Variants in NCKAP1 observed in about 807,000 individuals in gnomAD.
NCKAP1 encodes nck-associated protein 1.
In NCKAP1, 21 loss-of-function variants were observed where a neutral mutation model predicts 151.2. The observed-to-expected ratio is 0.14, with a 90% CI of 0.10 to 0.20. The LOEUF is 0.20. Ranked by LOEUF, NCKAP1 falls within the 10% of genes least tolerant of loss-of-function variation. NCKAP1 has a pLI of 1.00. For missense variants in NCKAP1, 933 were observed against 1,352.1 expected, an observed-to-expected ratio of 0.69 and a Z score of 4.86; for synonymous variants, 484 against 451.8, an observed-to-expected ratio of 1.07 and a Z score of -0.90.
chr2:182,999,340 A>C (rs538109510), intron 6 of NCKAP1, among the ~76,000 whole-genome samples: 1 of 152,214 alleles, frequency 6.6e-6, no homozygotes. Context: ...AAGGACGTCA[A>C]TAAACACTTC....
chr2:182,995,974 A>G (rs1450828535), intron 6 of NCKAP1, 136 bp from the exon 7 acceptor site: 11 of 764,606 alleles, frequency 1.4e-5, no homozygotes, highest in Non-Finnish European at 2.1e-5. Context: ...GCTCCTTATA[A>G]TATCTGAGTT....
chr2:182,988,950 C>T, intron 9 of NCKAP1, 80 bp downstream of exon 9: 1 of 1,311,144 alleles, frequency 7.6e-7, no homozygotes, highest in Non-Finnish European at 1.1e-6. Context: ...GTGACTACTC[C>T]TTTATCCCCA....
chr2:183,021,152 G>T (rs771656179), intron 2 of NCKAP1, among the ~76,000 whole-genome samples: 1 of 152,118 alleles, frequency 6.6e-6, no homozygotes, highest in Non-Finnish European at 1.5e-5. Context: ...AAAGCCAAGA[G>T]AAATGAAAAC....
At chr2:183,014,761 G>A (rs1698653019) in intron 2 of NCKAP1, among the ~76,000 whole-genome samples, 1 of 152,152 alleles carries the variant, frequency 6.6e-6, no homozygotes, top group Non-Finnish European at 1.5e-5. Context: ...AAGAAACAAT[G>A]AGAAGATAAC....
chr2:182,930,772 T>C lies in NCKAP1; in HGVS notation c.2876A>G (p.Tyr959Cys), dbSNP rs1278248969. ...TAATCCGGCAGCTGATGATAACTCA[T>C]ACACATTCATTGCAACCTGATAAAA... ...ETDMKVAMNV[Y>C]ELSSAAGLPC... The change falls in exon 27 of 31, where the codon TAT (tyrosine) becomes TGT (cysteine). Residue 959 changes from tyrosine to cysteine, a missense_variant. By Grantham distance (194) the Tyr-to-Cys change is radical. This residue lies in a region of NCKAP1 where 326 missense variants were observed against 557.1 expected (regional missense o/e 0.59). Coordinates refer to ENST00000361354, the MANE Select transcript of NCKAP1 (RefSeq NM_013436.5). The C allele has an allele frequency of 6.2e-7, 1 of 1,613,182 alleles. No homozygotes were observed. The highest frequency in any genetic ancestry group is 1.1e-5 in the South Asian group (1 of 91,030).
chr2:182,928,940 C>T, intron 27 of NCKAP1, 41 bp from the exon 28 acceptor site: 1 of 1,300,386 alleles, frequency 7.7e-7, no homozygotes, highest in Non-Finnish European at 1.1e-6. Context: ...GGTATTTCTT[C>T]AAGATTAGTT....
chr2:182,964,641 A>G, intron 17 of NCKAP1, 35 bp downstream of exon 17: 1 of 1,489,478 alleles, frequency 6.7e-7, no homozygotes, highest in Non-Finnish European at 9.0e-7. Context: ...TTTACTTTGC[A>G]TACCATATAA....
intron 26 of NCKAP1, among the ~76,000 whole-genome samples, chr2:182,933,247 CAGAT>C (rs1305838609): frequency 6.6e-6 from 1 of 151,784 alleles, no homozygotes; most frequent in Non-Finnish European, 1.5e-5. Context: ...GAAGGTAAAA[CAGAT>C]AGATGTGAGA....
intron 25 of NCKAP1, among the ~76,000 whole-genome samples, 180 bp downstream of exon 25, chr2:182,935,113 G>A (rs955904027): frequency 1.3e-5 from 2 of 152,092 alleles, no homozygotes; most frequent in Admixed American, 6.6e-5. Context: ...GCAAGCAGCA[G>A]TACCAAAACA....
At chr2:183,002,431 GACAGTT>G (rs935262474) in intron 4 of NCKAP1, among the ~76,000 whole-genome samples, 162 bp from the exon 5 acceptor site, 7 of 152,010 alleles carry the variant, frequency 4.6e-5, no homozygotes, top group African/African-American at 1.7e-4. Context: ...TCTAAAATTT[GACAGTT>G]ACAGATAACA....
chr2:182,998,857 A>AAAT (rs1559100011), intron 6 of NCKAP1, among the ~76,000 whole-genome samples: 1 of 101,566 alleles, frequency 9.8e-6, no homozygotes, highest in Non-Finnish European at 1.8e-5. Flanking sequence ...AAAAAAAAAA[A>AAAT]GGGGGGAAGG....
At chr2:182,975,098 T>C (rs1697778411) in intron 15 of NCKAP1, among the ~76,000 whole-genome samples, 1 of 152,194 alleles carries the variant, frequency 6.6e-6, no homozygotes, top group East Asian at 1.9e-4. Flanking sequence ...TCAAGCTTTA[T>C]GACAATGACT....
At chr2:182,995,448 T>G (rs1162947799) in intron 7 of NCKAP1, among the ~76,000 whole-genome samples, 1 of 152,172 alleles carries the variant, frequency 6.6e-6, no homozygotes, top group Non-Finnish European at 1.5e-5. Flanking sequence ...TCTACCATGA[T>G]AAAGCAAAAC....
Position 183,038,180 on chromosome 2 carries a change from G to A in NCKAP1, c.-81C>T. 1.0e-6 allele frequency: 1 copy of A among 997,062 alleles called. No homozygotes were observed. The highest frequency in any genetic ancestry group is 1.4e-6 in the Non-Finnish European group (1 of 719,258). The allele number at this position is 997,062 out of a possible 1,614,324, so 61.8% of individuals were successfully genotyped here. A position where few individuals can be genotyped will look rare whatever the true frequency, so the allele number is the denominator to read the frequency against. ...CGGCCTTCGCAGCAGCCTCTCTCGG[G>A]CCTCCTCCCCTCCCGCCCGCGACCT... On this transcript the variant is annotated 5_prime_UTR_variant, in exon 1 of 31. Coordinates refer to ENST00000361354, the MANE Select transcript of NCKAP1 (RefSeq NM_013436.5).
In NCKAP1 at chr2:182,914,389, C is replaced by T. The variant is rs1303530789; in HGVS notation, c.*11313G>A. The stretch of plus-strand genomic sequence containing the variant: ...GACAGATACAATACATACCTGCTGC[C>T]AGGATGAATAGATTAAAACAGGCAA... On this transcript the variant is annotated 3_prime_UTR_variant, in exon 31 of 31. Transcript: ENST00000361354. 2.0e-5 allele frequency: 3 copies of T among 152,242 alleles called. No individual in the cohort carries two copies. Among genetic ancestry groups the T allele is most frequent in the African/African-American group, 7.2e-5 (3 of 41,554 alleles). 9.4% of individuals were successfully genotyped at this position (152,242 alleles called of 1,614,324 possible). A position where few individuals can be genotyped will look rare whatever the true frequency, so the allele number is the denominator to read the frequency against.
rs1253085732 is a variant in NCKAP1 at position 182,919,847 on chromosome 2, T to A, written c.*5855A>T. ...TTGTATTTTTAGTAGAGACAGGGTT[T>A]CACCATGTTGGCCAGGTTGGTCTCA... On this transcript the variant is annotated 3_prime_UTR_variant, in exon 31 of 31. Transcript: ENST00000361354. The A allele has an allele frequency of 3.3e-5, 5 of 152,254 alleles. No individual in the cohort carries two copies. Among genetic ancestry groups the A allele is most frequent in the Non-Finnish European group, 7.3e-5 (5 of 68,138 alleles). The allele number at this position is 152,254 out of a possible 1,614,324, so 9.4% of individuals were successfully genotyped here.
rs1696463614 is a variant in NCKAP1, at chr2:182,916,166, T to C, written c.*9536A>G. The C allele has an allele frequency of 1.0e-5, 1 of 97,988 alleles. No homozygotes were observed. The highest frequency in any genetic ancestry group is 4.7e-4 in the South Asian group (1 of 2,146). 6.1% of individuals were successfully genotyped at this position (97,988 alleles called of 1,614,324 possible). On this transcript the variant is annotated 3_prime_UTR_variant, in exon 31 of 31. Transcript: ENST00000361354. ...AGTACCTTGCTTCCCCTTCGCCTTC[T>C]GTCAAAAAAAAAAAAAAAAAAAAAA... is the stretch of plus-strand genomic sequence containing the variant.
At chr2:182,984,451 T>TGTGTGTGTGTGTGTGTGTGTGTGTGTGTG (rs1188952902) in intron 10 of NCKAP1, among the ~76,000 whole-genome samples, 16 of 144,216 alleles carry the variant, frequency 1.1e-4, no homozygotes, top group Non-Finnish European at 1.8e-4. Flanking sequence ...TGTGTGTGTG[T>TGTGTGTGTGTGTGTGTGTGTGTGTGTGTG]TGCCTATGCC....
chr2:182,997,824 A>G (rs927418406), intron 6 of NCKAP1, among the ~76,000 whole-genome samples: 7 of 152,076 alleles, frequency 4.6e-5, no homozygotes, highest in African/African-American at 1.7e-4. Context: ...TCATCATTCT[A>G]TGAGTCCAAT....
Sources: allele counts gnomAD v4.1 joint callset (sites outside exome capture counted in the v4.1 genomes callset), GRCh38; gene constraint gnomAD v4.1.1; regional missense constraint gnomAD v4.1.1; transcripts MANE v1.5; gene names NCBI Gene and HGNC (gene_info 2026-07-23, HGNC 2026-07-21).